Variants in FOXP2 observed in about 807,000 individuals in gnomAD.
FOXP2 encodes forkhead box protein P2.
FOXP2 carries 12 observed loss-of-function variants against 115.8 expected under a neutral mutation model. The ratio of observed to expected loss-of-function variants is 0.10; its 90% CI spans 0.07 to 0.17. The LOEUF (loss-of-function observed/expected upper bound fraction) is 0.17, where lower values mean the gene tolerates loss of function less well. Ranked by LOEUF, FOXP2 falls within the 10% of genes least tolerant of loss-of-function variation. The pLI is 1.00. For synonymous variants in FOXP2, 328 were observed against 297.7 expected, an observed-to-expected ratio of 1.10 and a Z score of -1.05; for missense variants, 629 against 843.5, an observed-to-expected ratio of 0.75 and a Z score of 3.15.
intron 2 of FOXP2, among the ~76,000 whole-genome samples, chr7:114,350,049 A>T (rs980923166): frequency 2.6e-5 from 4 of 152,174 alleles, no homozygotes; most frequent in African/African-American, 9.6e-5. Context: ...ACAAGAAGCA[A>T]AGAGTCTGTC....
Position 114,414,936 on chromosome 7 carries a change from A to G in FOXP2, c.-435A>G, listed in dbSNP as rs946501060. The stretch of plus-strand genomic sequence containing the variant: ...CTCACACACATGCACACACACACAT[A>G]CACACACACAAAAATGAAGCACTTA... On this transcript the variant is annotated 5_prime_UTR_variant, in exon 1 of 17. It adds an upstream start codon to the 5' untranslated region. Coordinates refer to ENST00000350908, the MANE Select transcript of FOXP2 (RefSeq NM_014491.4). 3 of 402,742 alleles carry G rather than the reference A, an allele frequency of 7.4e-6. No homozygotes were observed. The highest frequency in any genetic ancestry group is 1.5e-5 in the Non-Finnish European group (3 of 200,112). 24.9% of individuals were successfully genotyped at this position (402,742 alleles called of 1,614,324 possible). A position where few individuals can be genotyped will look rare whatever the true frequency, so the allele number is the denominator to read the frequency against.
chr7:114,587,631 C>G (rs75414689), intron 3 of FOXP2, among the ~76,000 whole-genome samples: 73 of 151,812 alleles, frequency 4.8e-4, no homozygotes, highest in Non-Finnish European at 8.7e-4. Context: ...AATCCAAACA[C>G]ATAAAAATGT....
At chr7:114,489,676 A>T (rs981176775) in intron 2 of FOXP2, among the ~76,000 whole-genome samples, 2 of 152,108 alleles carry the variant, frequency 1.3e-5, no homozygotes, top group African/African-American at 4.8e-5. Context: ...AAGAATACAG[A>T]TAATAAACCT....
intron 10 of FOXP2, among the ~76,000 whole-genome samples, chr7:114,656,965 T>C (rs1806625136): frequency 6.6e-6 from 1 of 152,172 alleles, no homozygotes; most frequent in South Asian, 2.1e-4. Flanking sequence ...ATATTCTCTA[T>C]TTAGCCACTC....
At chr7:114,337,150 G>T (rs570462596) in intron 2 of FOXP2, among the ~76,000 whole-genome samples, 4 of 151,474 alleles carry the variant, frequency 2.6e-5, no homozygotes, top group Admixed American at 1.3e-4. Context: ...TTGCTTTCTC[G>T]AATGTCTTTA....
Position 114,642,799 on chromosome 7 carries a change from TATATATATA to T in FOXP2, c.989+177_989+185del, listed in dbSNP as rs1210664009. 9.4e-3 allele frequency among the ~76,000 whole-genome samples: 540 copies of T among 57,336 alleles called. 9 individuals carry two copies. The highest frequency in any genetic ancestry group is 0.012 in the South Asian group (23 of 1,896). 37.6% of individuals were successfully genotyped at this position (57,336 alleles called of 152,430 possible). ...TATATAATATATATATATATATATA[TATATATATA>T]TATATTTTTTTTTTTTTTTAGGCAG... On this transcript the variant is annotated intron_variant, in intron 7 of 16. Coordinates refer to ENST00000350908, the MANE Select transcript of FOXP2 (RefSeq NM_014491.4).
At chr7:114,287,634 T>C (rs1250951997) in intron 1 of FOXP2, among the ~76,000 whole-genome samples, 6 of 152,010 alleles carry the variant, frequency 3.9e-5, no homozygotes, top group African/African-American at 1.2e-4. Flanking sequence ...GAAGAGGCAA[T>C]TGAAATCAGT....
At chr7:114,533,008 T>C (rs1275571483) in intron 2 of FOXP2, among the ~76,000 whole-genome samples, 1 of 151,988 alleles carries the variant, frequency 6.6e-6, no homozygotes, top group Non-Finnish European at 1.5e-5. Context: ...ATTTTTTTGT[T>C]TGTATTTTCA....
intron 1 of FOXP2, among the ~76,000 whole-genome samples, chr7:114,124,951 G>T (rs575052372): frequency 6.6e-6 from 1 of 152,150 alleles, no homozygotes; most frequent in African/African-American, 2.4e-5. Context: ...TAAGGACAAG[G>T]AAACAAGAAT....
chr7:114,112,886 T>C (rs1791308116), intron 1 of FOXP2, among the ~76,000 whole-genome samples: 2 of 152,096 alleles, frequency 1.3e-5, no homozygotes, highest in African/African-American at 4.8e-5. Context: ...AGAACATGAG[T>C]TACTCATGTC....
intron 3 of FOXP2, among the ~76,000 whole-genome samples, chr7:114,552,998 C>T (rs1035444809): frequency 1.3e-5 from 2 of 151,944 alleles, no homozygotes; most frequent in Non-Finnish European, 2.9e-5. Context: ...GTTCTCTCTC[C>T]CAGTCACTTT....
chr7:114,208,021 A>G (rs1368456255), intron 1 of FOXP2, among the ~76,000 whole-genome samples: 1 of 152,200 alleles, frequency 6.6e-6, no homozygotes, highest in Non-Finnish European at 1.5e-5. Context: ...GTCACCACCT[A>G]GTGGACCTGG....
At chr7:114,639,681 C>T (rs1271611578) in intron 6 of FOXP2, among the ~76,000 whole-genome samples, 2 of 151,794 alleles carry the variant, frequency 1.3e-5, no homozygotes, top group Admixed American at 1.3e-4. Flanking sequence ...TGGGAACAAC[C>T]AGAGCAAAGG....
chr7:114,216,911 A>C (rs1342520997), intron 1 of FOXP2, among the ~76,000 whole-genome samples: 1 of 152,194 alleles, frequency 6.6e-6, no homozygotes, highest in Non-Finnish European at 1.5e-5. Context: ...TCTAGGCATT[A>C]GCAGTTTAAA....
intron 2 of FOXP2, among the ~76,000 whole-genome samples, chr7:114,453,174 A>G (rs1464825344): frequency 6.6e-6 from 1 of 152,106 alleles, no homozygotes; most frequent in Non-Finnish European, 1.5e-5. Context: ...TGAATGTGAA[A>G]TGATATTGGA....
At chr7:114,494,582 G>A (rs999137607) in intron 2 of FOXP2, among the ~76,000 whole-genome samples, 5 of 152,014 alleles carry the variant, frequency 3.3e-5, no homozygotes, top group South Asian at 2.1e-4. Context: ...TTCTCAGACC[G>A]CTAGTAATTA....
intron 3 of FOXP2, among the ~76,000 whole-genome samples, chr7:114,619,612 A>G (rs1804131834): frequency 6.6e-6 from 1 of 152,184 alleles, no homozygotes; most frequent in East Asian, 1.9e-4. Context: ...GTATTAGGCC[A>G]TTATGGTTTA....
chr7:114,329,568 CAT>C (rs1797643064), intron 2 of FOXP2, among the ~76,000 whole-genome samples: 1 of 150,366 alleles, frequency 6.7e-6, no homozygotes, highest in African/African-American at 2.4e-5. Flanking sequence ...TCTGAAAAAA[CAT>C]ATTTGATGAG....
chr7:114,592,248 T>C (rs933344031), intron 3 of FOXP2, among the ~76,000 whole-genome samples: 3 of 152,094 alleles, frequency 2.0e-5, no homozygotes, highest in Non-Finnish European at 2.9e-5. Context: ...TTTACGTAAT[T>C]CTAAAAATAA....
Sources: gnomAD v4.1 joint callset for allele counts (sites outside exome capture counted in the v4.1 genomes callset) on GRCh38, gnomAD v4.1.1 for gene constraint, MANE v1.5 for transcripts, NCBI Gene and HGNC (gene_info 2026-07-23, HGNC 2026-07-21) for gene names.